The following NRAP variants were observed in gnomAD, a reference collection of about 807,000 sequenced individuals.
The protein encoded by NRAP is nebulin related anchoring protein.
A neutral mutation model predicts 225.9 loss-of-function variants in NRAP; 189 were observed. The observed-to-expected ratio is 0.84, with a 90% confidence interval of 0.74 to 0.94. The LOEUF (loss-of-function observed/expected upper bound fraction) is 0.94, where lower values mean the gene tolerates loss of function less well. NRAP is among the 40% of genes least tolerant of loss of function. The probability of loss-of-function intolerance (pLI) is 0.00; values close to 1 mark genes in which losing one functional copy is unlikely to be tolerated. For synonymous variants in NRAP, 769 were observed against 790.7 expected (o/e 0.97, Z 0.46); for missense variants, 2,176 against 2,168.7 (o/e 1.00, Z -0.07).
intron 7 of NRAP, among the ~76,000 whole-genome samples, chr10:113,651,003 T>C (rs1207943940): frequency 6.6e-6 from 1 of 152,226 alleles, no homozygotes; most frequent in Non-Finnish European, 1.5e-5. Flanking sequence ...AACATTTGGA[T>C]TATGTAAAGG....
intron 11 of NRAP, among the ~76,000 whole-genome samples, chr10:113,644,486 G>A (rs3121473): frequency 0.87 from 133,219 of 152,254 alleles, 58,355 homozygotes; most frequent in East Asian, 0.91. Context: ...GATAATCCAG[G>A]AACAAATGTG....
At chr10:113,605,220 C>T (rs529004376) in intron 34 of NRAP, among the ~76,000 whole-genome samples, 33 of 152,344 alleles carry the variant, frequency 2.2e-4, no homozygotes, top group African/African-American at 7.5e-4. Flanking sequence ...TCCGTTCGCA[C>T]TTGGCAAAAC....
chr10:113,619,367 G>T (rs1246091578), intron 25 of NRAP, among the ~76,000 whole-genome samples: 2 of 152,058 alleles, frequency 1.3e-5, no homozygotes, highest in Non-Finnish European at 1.5e-5. Context: ...GGCCTCTCCT[G>T]AACTAGAATG....
At chr10:113,651,230 G>A (rs1037073109) in intron 7 of NRAP, among the ~76,000 whole-genome samples, 1 of 152,146 alleles carries the variant, frequency 6.6e-6, no homozygotes, top group African/African-American at 2.4e-5. Context: ...GGACTAAAAT[G>A]TCTCATACAT....
intron 26 of NRAP, 41 bp downstream of exon 26, chr10:113,617,414 G>T: frequency 8.4e-7 from 1 of 1,183,800 alleles, no homozygotes; most frequent in Non-Finnish European, 1.3e-6. Context: ...TGAAAGAAGA[G>T]CCCACTCTTA....
In NRAP at chr10:113,623,569, G is replaced by A. The variant is rs151007500; in HGVS notation, c.2417C>T (p.Thr806Ile). The stretch of plus-strand genomic sequence containing the variant: ...CCTCTTGGCTTTGGCTGCCAGGAAG[G>A]TCAAGGAATCAAGACGCAGCTCAAA... ...KGFELRLDSL[T>I]FLAAKAKRDL... Residue 806 changes from threonine (T) to isoleucine (I), a missense_variant, in exon 23 of 42, where the codon ACC (threonine) becomes ATC (isoleucine). This residue lies in a region of NRAP where 1,708 missense variants were observed against 1,695.5 expected (regional missense o/e 1.01). Transcript: ENST00000359988. 4 of 1,613,868 alleles carry A rather than the reference G, an allele frequency of 2.5e-6. No homozygotes were observed. The highest frequency in any genetic ancestry group is 2.2e-5 in the East Asian group (1 of 44,880).
chr10:113,624,554 A>G (rs1175111142), intron 22 of NRAP, among the ~76,000 whole-genome samples: 1 of 152,124 alleles, frequency 6.6e-6, no homozygotes, highest in African/African-American at 2.4e-5. Flanking sequence ...TGCTGTTTCA[A>G]CTCTGGCACC....
intron 35 of NRAP, among the ~76,000 whole-genome samples, chr10:113,598,309 T>A (rs1846405181): frequency 6.7e-6 from 1 of 148,870 alleles, no homozygotes. Context: ...ACCAGTGAAT[T>A]GGCAGGATTT....
intron 14 of NRAP, among the ~76,000 whole-genome samples, chr10:113,635,440 T>A (rs1848814953): frequency 1.3e-5 from 2 of 152,228 alleles, no homozygotes; most frequent in Admixed American, 6.5e-5. Flanking sequence ...ATTTATTTGT[T>A]ATTTAGAGAC....
At chr10:113,645,109 A>G (rs1849424269) in intron 11 of NRAP, among the ~76,000 whole-genome samples, 1 of 152,220 alleles carries the variant, frequency 6.6e-6, no homozygotes, top group Non-Finnish European at 1.5e-5. Flanking sequence ...CATGGAATAC[A>G]CAGCTTCTCA....
chr10:113,641,285 G>C (rs1849186501), intron 13 of NRAP, 80 bp downstream of exon 13: 6 of 829,564 alleles, frequency 7.2e-6, no homozygotes, highest in Non-Finnish European at 9.9e-6. Context: ...TTTTTTTAAG[G>C]GGAATTTAAA....
chr10:113,655,670 G>A lies in NRAP; in HGVS notation c.361-1545C>T, dbSNP rs990203058. ...GGGCCATGTTGGCCAGGCTAGTCTC[G>A]AACTCCTGACCTCAGGTGATCCACC... is the stretch of plus-strand genomic sequence containing the variant. On this transcript the variant is annotated intron_variant, in intron 4 of 41. Transcript: ENST00000359988. Among the ~76,000 whole-genome samples, 21 of 152,010 alleles carry A rather than the reference G, an allele frequency of 1.4e-4. 1 individual carries two copies. The highest frequency in any genetic ancestry group is 6.8e-3 in the Middle Eastern group (2 of 294).
intron 36 of NRAP, 151 bp from the exon 37 acceptor site, chr10:113,597,335 G>T: frequency 1.6e-6 from 1 of 609,344 alleles, no homozygotes; most frequent in South Asian, 1.9e-5. Flanking sequence ...TAACAATCAA[G>T]AGTATAAAAA....
Position 113,620,718 on chromosome 10 carries a change from GA to G in NRAP, c.2770-11del, listed in dbSNP as rs1847936190. On this transcript the variant is annotated splice_polypyrimidine_tract_variant and intron_variant, in intron 24 of 41. Transcript: ENST00000359988. ...CTGCCCTGTATTGGTTCTGACAAAGGAGAAAGAAAAAAAAAAAAAGCAGGCC... is the reference window on the plus strand; with the variant it reads ...CTGCCCTGTATTGGTTCTGACAAAGGGAAAGAAAAAAAAAAAAAGCAGGCC... 3 of 1,555,174 alleles carry G rather than the reference GA, an allele frequency of 1.9e-6. No individual in the cohort carries two copies. The African/African-American group carries it at 4.2e-5, about 22-fold the overall frequency.
At chr10:113,643,069 G>A (rs779864453) in intron 11 of NRAP, 31 bp from the exon 12 acceptor site, 8 of 1,080,462 alleles carry the variant, frequency 7.4e-6, no homozygotes, top group South Asian at 3.8e-5. Context: ...ACACACAATA[G>A]AACCAAATCC....
chr10:113,599,559 C>T lies in NRAP; in HGVS notation c.4228-1486G>A, dbSNP rs1026390596. 5.9e-5 allele frequency among the ~76,000 whole-genome samples: 9 copies of T among 152,104 alleles called. 1 individual carries two copies. Among genetic ancestry groups the T allele is most frequent in the African/African-American group, 1.9e-4 (8 of 41,404 alleles). Reference sequence around the variant, plus strand: ...TTGCCTTTTGTTGAGCTGAACAGTACGATCCCAGGTAAGTCAGAAAGCAAG... The same window carrying T: ...TTGCCTTTTGTTGAGCTGAACAGTATGATCCCAGGTAAGTCAGAAAGCAAG... On this transcript the variant is annotated intron_variant, in intron 35 of 41. Coordinates refer to ENST00000359988, the MANE Select transcript of NRAP (RefSeq NM_198060.4).
chr10:113,620,476 G>T lies in NRAP; in HGVS notation c.2874+128C>A. Reference sequence around the variant, plus strand: ...CCCTCTAATTACCAGCCCTAGTCTGGGTTTTGAGGCCTTTCATGTGGCTTT... The same window carrying T: ...CCCTCTAATTACCAGCCCTAGTCTGTGTTTTGAGGCCTTTCATGTGGCTTT... On this transcript the variant is annotated intron_variant, in intron 25 of 41. Coordinates refer to ENST00000359988, the MANE Select transcript of NRAP (RefSeq NM_198060.4). 5 of 678,250 alleles carry T rather than the reference G, an allele frequency of 7.4e-6. 1 individual carries two copies. Among genetic ancestry groups the T allele is most frequent in the South Asian group, 7.1e-5 (4 of 56,172 alleles). 42.0% of individuals were successfully genotyped at this position (678,250 alleles called of 1,614,324 possible).
intron 30 of NRAP, among the ~76,000 whole-genome samples, chr10:113,611,287 G>A (rs1477764400): frequency 6.6e-6 from 1 of 152,084 alleles, no homozygotes; most frequent in African/African-American, 2.4e-5. Context: ...AGTAAACGCT[G>A]TACACAGGCG....
At chr10:113,607,134 G>A (rs145498517) in intron 32 of NRAP, among the ~76,000 whole-genome samples, 1,583 of 152,216 alleles carry the variant, frequency 0.01, 30 homozygotes, top group African/African-American at 0.036. Context: ...CCAGGAGGCA[G>A]AGGTTGCAGT....
Sources: gnomAD v4.1 joint callset for allele counts (sites outside exome capture counted in the v4.1 genomes callset) on GRCh38, gnomAD v4.1.1 for gene constraint, gnomAD v4.1.1 regional missense constraint, MANE v1.5 for transcripts, NCBI Gene and HGNC (gene_info 2026-07-23, HGNC 2026-07-21) for gene names.